Variants in MACROD2 observed in about 807,000 individuals in gnomAD.
MACROD2 encodes the protein mono-ADP ribosylhydrolase 2.
MACROD2 carries 36 observed loss-of-function variants against 70.4 expected under a neutral mutation model. The ratio of observed to expected loss-of-function variants is 0.51; its 90% CI spans 0.39 to 0.68. The LOEUF (loss-of-function observed/expected upper bound fraction) is 0.68, where lower values mean the gene tolerates loss of function less well. Ranked by LOEUF, MACROD2 falls within the 30% of genes least tolerant of loss-of-function variation. MACROD2 has a pLI of 0.00. For missense variants in MACROD2, 496 were observed against 538.4 expected, an observed-to-expected ratio of 0.92 and a Z score of 0.78; for synonymous variants, 172 against 178.8, an observed-to-expected ratio of 0.96 and a Z score of 0.30.
chr20:15,597,851 G>T (rs747155439), intron 8 of MACROD2, among the ~76,000 whole-genome samples: 15 of 152,228 alleles, frequency 9.9e-5, no homozygotes, highest in African/African-American at 3.6e-4. Context: ...GGCTGAGGCA[G>T]GTGGATCACC....
chr20:15,678,857 T>G (rs2050117086), intron 8 of MACROD2, among the ~76,000 whole-genome samples: 1 of 151,922 alleles, frequency 6.6e-6, no homozygotes, highest in African/African-American at 2.4e-5. Flanking sequence ...TGATTTGGAG[T>G]GTTTTCCTAT....
At chr20:15,116,370 C>T (rs574000652) in intron 5 of MACROD2, among the ~76,000 whole-genome samples, 9 of 152,222 alleles carry the variant, frequency 5.9e-5, no homozygotes, top group African/African-American at 1.9e-4. Context: ...AGGCCAGTCA[C>T]GGTGGCCCAC....
At chr20:14,303,216 A>G (rs998929279) in intron 3 of MACROD2, among the ~76,000 whole-genome samples, 2 of 152,112 alleles carry the variant, frequency 1.3e-5, no homozygotes, top group East Asian at 1.9e-4. Context: ...CATTTTTTCA[A>G]TGAAACTGAC....
At chr20:15,936,809 G>A (rs2065671281) in intron 11 of MACROD2, among the ~76,000 whole-genome samples, 1 of 152,080 alleles carries the variant, frequency 6.6e-6, no homozygotes, top group African/African-American at 2.4e-5. Flanking sequence ...GGCCAAACAT[G>A]ACTAGAGTCA....
intron 10 of MACROD2, among the ~76,000 whole-genome samples, chr20:15,923,402 C>A (rs961425253): frequency 4.6e-5 from 7 of 150,824 alleles, no homozygotes; most frequent in Admixed American, 1.3e-4. Context: ...GAAAGACCGG[C>A]CCCCATGATT....
At chr20:15,682,832 G>A (rs1484044704) in intron 8 of MACROD2, among the ~76,000 whole-genome samples, 3 of 152,176 alleles carry the variant, frequency 2.0e-5, no homozygotes, top group African/African-American at 7.2e-5. Context: ...CTGGTAAAAT[G>A]AGTTTAACTT....
At chr20:14,293,950 T>A (rs574862955) in intron 3 of MACROD2, among the ~76,000 whole-genome samples, 2 of 151,892 alleles carry the variant, frequency 1.3e-5, no homozygotes, top group Non-Finnish European at 2.9e-5. Context: ...TCAAAAATGG[T>A]GAATGAATAT....
At chr20:15,785,001 A>T (rs1384604871) in intron 8 of MACROD2, among the ~76,000 whole-genome samples, 5 of 147,594 alleles carry the variant, frequency 3.4e-5, no homozygotes, top group Non-Finnish European at 6.1e-5. Context: ...ACAAAAAAAA[A>T]ATTAGCCGGG....
chr20:15,691,133 T>C (rs532691243), intron 8 of MACROD2, among the ~76,000 whole-genome samples: 86 of 152,308 alleles, frequency 5.6e-4, no homozygotes, highest in African/African-American at 1.1e-3. Flanking sequence ...ACCTCCTGGA[T>C]ATGTCAATCT....
At chr20:15,990,531 G>C (rs2066543967) in intron 15 of MACROD2, among the ~76,000 whole-genome samples, 1 of 152,130 alleles carries the variant, frequency 6.6e-6, no homozygotes, top group African/African-American at 2.4e-5. Context: ...CAATTAATAA[G>C]TGTAGTGTGG....
Position 15,307,885 on chromosome 20 carries a change from T to A in MACROD2, c.540+77824T>A, listed in dbSNP as rs560312906. ...TTGTGACTTTGACATTTTTGAAGTGTATAAGCCAGTTATTTTCTGGAATAT... is the reference window on the plus strand; with the variant it reads ...TTGTGACTTTGACATTTTTGAAGTGAATAAGCCAGTTATTTTCTGGAATAT... On this transcript the variant is annotated intron_variant, in intron 6 of 17. Coordinates refer to ENST00000684519, the MANE Select transcript of MACROD2 (RefSeq NM_001351661.2). Among the ~76,000 whole-genome samples, 93 of 152,356 alleles carry A rather than the reference T, an allele frequency of 6.1e-4. 1 individual carries two copies. In the Middle Eastern group the frequency reaches 0.014, roughly 22 times the overall value.
chr20:15,574,201 G>A (rs569910763), intron 8 of MACROD2, among the ~76,000 whole-genome samples: 1 of 151,916 alleles, frequency 6.6e-6, no homozygotes, highest in South Asian at 2.1e-4. Context: ...CTGCATACTT[G>A]GCATGTCATA....
intron 8 of MACROD2, among the ~76,000 whole-genome samples, chr20:15,819,280 A>G (rs990901732): frequency 3.0e-5 from 4 of 133,724 alleles, no homozygotes; most frequent in African/African-American, 1.1e-4. Flanking sequence ...AGATATCAAT[A>G]TATATTTTAT....
At chr20:15,059,899 G>T (rs560441728) in intron 5 of MACROD2, among the ~76,000 whole-genome samples, 1 of 152,272 alleles carries the variant, frequency 6.6e-6, no homozygotes, top group African/African-American at 2.4e-5. Context: ...ATTCCCTAAA[G>T]CTTGCTGTAT....
At chr20:15,495,643 T>C (rs991615650) in intron 7 of MACROD2, among the ~76,000 whole-genome samples, 1 of 152,220 alleles carries the variant, frequency 6.6e-6, no homozygotes, top group Non-Finnish European at 1.5e-5. Flanking sequence ...ACCTAGTTAT[T>C]GATCATTCTC....
At chr20:15,860,281 A>G (rs559576567) in intron 8 of MACROD2, among the ~76,000 whole-genome samples, 17 of 152,344 alleles carry the variant, frequency 1.1e-4, no homozygotes, top group African/African-American at 4.1e-4. Context: ...TTCATAATTT[A>G]TATTAAATGA....
intron 10 of MACROD2, among the ~76,000 whole-genome samples, chr20:15,915,929 G>C (rs1314074066): frequency 6.6e-6 from 1 of 151,952 alleles, no homozygotes; most frequent in Non-Finnish European, 1.5e-5. Context: ...GGACTTGGAA[G>C]GTAAAAATCA....
At chr20:14,177,381 A>G (rs533912890) in intron 3 of MACROD2, among the ~76,000 whole-genome samples, 4 of 144,682 alleles carry the variant, frequency 2.8e-5, no homozygotes, top group East Asian at 2.0e-4. Context: ...CAATGGCACT[A>G]TCTCGGCTCA....
chr20:14,978,881 TAAAA>T (rs1220470201), intron 5 of MACROD2, among the ~76,000 whole-genome samples: 6 of 49,964 alleles, frequency 1.2e-4, no homozygotes, highest in Admixed American at 8.2e-4. Flanking sequence ...ATATAATATA[TAAAA>T]TATATATATT....
Sources: allele counts gnomAD v4.1 joint callset (sites outside exome capture counted in the v4.1 genomes callset), GRCh38; gene constraint gnomAD v4.1.1; transcripts MANE v1.5; gene names NCBI Gene and HGNC (gene_info 2026-07-23, HGNC 2026-07-21).